The following PCDHA7 variants were observed in gnomAD, a reference collection of about 807,000 sequenced individuals.
The protein encoded by PCDHA7 is protocadherin alpha-7.
A neutral mutation model predicts 57.2 loss-of-function variants in PCDHA7; 37 were observed. The ratio of observed to expected loss-of-function variants is 0.65; its 90% confidence interval spans 0.50 to 0.85. The LOEUF is 0.85. Ranked by LOEUF, PCDHA7 falls within the 40% of genes least tolerant of loss-of-function variation. The pLI is 0.00. For missense variants in PCDHA7, 1,188 were observed against 1,241.8 expected (o/e 0.96, Z 0.65); for synonymous variants, 553 against 558.8 (o/e 0.99, Z 0.15).
chr5:141,007,551 GA>G (rs1554261384), intron 3 of PCDHA7, among the ~76,000 whole-genome samples: 1 of 152,140 alleles, frequency 6.6e-6, no homozygotes, highest in African/African-American at 2.4e-5. Flanking sequence ...TTGGGCAACA[GA>G]GCAAGGCTCT....
In PCDHA7 at chr5:140,848,706, C is replaced by T. The variant is rs2150418265; in HGVS notation, c.2355+11968C>T. On this transcript the variant is annotated intron_variant, in intron 1 of 3. Coordinates refer to ENST00000525929, the MANE Select transcript of PCDHA7 (RefSeq NM_018910.3). ...CCTGTTCCAGTTGGATTCCAAAGGC[C>T]GCGGGGACCTTCTGGAGGTAAATCT... 43 of 1,592,328 alleles carry T rather than the reference C, an allele frequency of 2.7e-5. 5 individuals are homozygous for T. In the South Asian group the frequency reaches 4.1e-4, roughly 15 times the overall value.
At chr5:140,904,143 T>C (rs1370565805) in intron 1 of PCDHA7, among the ~76,000 whole-genome samples, 1 of 152,136 alleles carries the variant, frequency 6.6e-6, no homozygotes, top group Non-Finnish European at 1.5e-5. Context: ...CCGAGCAGTA[T>C]ACATTGCACC....
chr5:140,959,254 G>A (rs1318438220), intron 1 of PCDHA7, among the ~76,000 whole-genome samples: 3 of 152,054 alleles, frequency 2.0e-5, no homozygotes, highest in Non-Finnish European at 2.9e-5. Context: ...GTGCATGACT[G>A]TAGTCCCAGC....
At chr5:140,945,935 G>T (rs2093863887) in intron 1 of PCDHA7, among the ~76,000 whole-genome samples, 1 of 151,964 alleles carries the variant, frequency 6.6e-6, no homozygotes, top group Admixed American at 6.6e-5. Flanking sequence ...GAGCAATGAT[G>T]TTTTTTATAT....
At chr5:140,875,028 G>A (rs1321534427) in intron 1 of PCDHA7, among the ~76,000 whole-genome samples, 1 of 152,198 alleles carries the variant, frequency 6.6e-6, no homozygotes, top group Admixed American at 6.5e-5. Flanking sequence ...CTGGCCTACT[G>A]TATTTGAAAG....
chr5:140,873,656 A>G (rs1364222797), intron 1 of PCDHA7, among the ~76,000 whole-genome samples: 2 of 152,120 alleles, frequency 1.3e-5, no homozygotes, highest in Non-Finnish European at 2.9e-5. Flanking sequence ...TACATAACAC[A>G]CTATTATTAT....
At chr5:140,944,406 C>A (rs1003379783) in intron 1 of PCDHA7, among the ~76,000 whole-genome samples, 1 of 152,084 alleles carries the variant, frequency 6.6e-6, no homozygotes, top group Non-Finnish European at 1.5e-5. Context: ...AGGCTGGTCT[C>A]GAACTCCTGA....
At chr5:140,967,351 G>C in intron 1 of PCDHA7, 1 of 1,608,106 alleles carries the variant, frequency 6.2e-7, no homozygotes, top group South Asian at 1.1e-5. Context: ...ACTTCGAGCT[G>C]GACCTTAAGC....
Position 140,835,836 on chromosome 5 carries a change from C to T in PCDHA7, c.1453C>T (p.Gln485Ter). The T allele has an allele frequency of 6.2e-7, 1 of 1,612,388 alleles. No individual in the cohort carries two copies. The highest frequency in any genetic ancestry group is 8.5e-7 in the Non-Finnish European group (1 of 1,179,666). Residue 485 changes from glutamine (Q) to a stop codon, truncating the protein, a stop_gained, in exon 1 of 4, where the codon CAG becomes TAG. Coordinates refer to ENST00000525929, the MANE Select transcript of PCDHA7 (RefSeq NM_018910.3). LOFTEE classifies it high-confidence loss of function. ...TGTGTCGGCGGGGGACGCGGACGCG[C>T]AGAAGAACGCGCTGGTGTCCTACTC... ...FTVSAGDADA[Q>*]KNALVSYSLV...
chr5:140,928,276 G>A (rs2153595075), intron 1 of PCDHA7: 2 of 1,614,172 alleles, frequency 1.2e-6, no homozygotes, highest in South Asian at 1.1e-5. Context: ...TGGCCCTGGG[G>A]CCTCTCTAGG....
chr5:140,848,354 C>G (rs1427419086), intron 1 of PCDHA7: 1 of 1,023,830 alleles, frequency 9.8e-7, no homozygotes, highest in African/African-American at 1.6e-5. Flanking sequence ...AGCCCTTTTC[C>G]CATGGGAAAG....
At position 140,855,852 on chromosome 5, in the gene PCDHA7, G is replaced by A. The variant is rs1233260488; in HGVS notation, c.2355+19114G>A. 21 of 674,672 alleles carry A rather than the reference G, an allele frequency of 3.1e-5. 2 individuals carry two copies. The highest frequency in any genetic ancestry group is 4.6e-5 in the Non-Finnish European group (19 of 409,080). 41.8% of individuals were successfully genotyped at this position (674,672 alleles called of 1,614,324 possible). On this transcript the variant is annotated intron_variant, in intron 1 of 3. Coordinates refer to ENST00000525929, the MANE Select transcript of PCDHA7 (RefSeq NM_018910.3). The stretch of plus-strand genomic sequence containing the variant: ...ATCGTACTTACACCTAAAGCCACCG[G>A]ATGTCGCTGTCGTCCACAAAATAGC...
chr5:140,903,357 T>C (rs1554190932), intron 1 of PCDHA7, among the ~76,000 whole-genome samples: 1 of 152,166 alleles, frequency 6.6e-6, no homozygotes, highest in African/African-American at 2.4e-5. Flanking sequence ...AAACAAGTTT[T>C]TCAAAAATAT....
chr5:140,991,308 C>T (rs374484318), intron 3 of PCDHA7, among the ~76,000 whole-genome samples: 1 of 152,282 alleles, frequency 6.6e-6, no homozygotes, highest in South Asian at 2.1e-4. Flanking sequence ...ATTATCTTGT[C>T]CCGCATGATA....
At chr5:140,997,993 C>T (rs1356544638) in intron 3 of PCDHA7, among the ~76,000 whole-genome samples, 1 of 152,082 alleles carries the variant, frequency 6.6e-6, no homozygotes, top group Non-Finnish European at 1.5e-5. Flanking sequence ...TACATACTTC[C>T]CTCTGAGCCT....
At chr5:140,842,682 C>G in intron 1 of PCDHA7, 1 of 1,595,358 alleles carries the variant, frequency 6.3e-7, no homozygotes. Context: ...AATGCTCCGG[C>G]GTTCGCGCAG....
intron 1 of PCDHA7, chr5:140,852,492 G>T (rs972287680): frequency 4.6e-6 from 1 of 217,062 alleles, no homozygotes; most frequent in Non-Finnish European, 8.5e-6. Context: ...TGGCCAGGTT[G>T]GTCTCGAACT....
chr5:140,929,409 T>C, intron 1 of PCDHA7: 11 of 1,506,206 alleles, frequency 7.3e-6, no homozygotes, highest in Non-Finnish European at 9.8e-6. Context: ...GACAAGCCTT[T>C]CACAACATTT....
At chr5:140,956,181 T>C (rs1351584707) in intron 1 of PCDHA7, among the ~76,000 whole-genome samples, 1 of 152,212 alleles carries the variant, frequency 6.6e-6, no homozygotes, top group South Asian at 2.1e-4. Flanking sequence ...CTTCCAATAC[T>C]ATGCTGAATA....
Sources: allele counts gnomAD v4.1 joint callset (sites outside exome capture counted in the v4.1 genomes callset), GRCh38; gene constraint gnomAD v4.1.1; transcripts MANE v1.5; gene names NCBI Gene and HGNC (gene_info 2026-07-23, HGNC 2026-07-21).